TMEM266: variants seen among roughly 807,000 people sequenced by gnomAD.
The protein encoded by TMEM266 is Hv1 related protein 1.
TMEM266 carries 33 observed loss-of-function variants against 50.5 expected under a neutral mutation model. The ratio of observed to expected loss-of-function variants is 0.65; its 90% CI spans 0.50 to 0.87. The LOEUF is 0.87. Ranked by LOEUF, TMEM266 falls within the 40% of genes least tolerant of loss-of-function variation. The pLI is 0.00. For missense variants in TMEM266, 655 were observed against 695.1 expected (o/e 0.94, Z 0.65); for synonymous variants, 310 against 292.3 (o/e 1.06, Z -0.62).
Position 76,160,023 on chromosome 15 carries a change from T to C in TMEM266, c.383-72T>C. 1 of 1,442,838 alleles carries C rather than the reference T, an allele frequency of 6.9e-7. No individual in the cohort carries two copies. Among genetic ancestry groups the C allele is most frequent in the Non-Finnish European group, 9.7e-7 (1 of 1,027,764 alleles). The allele number at this position is 1,442,838 out of a possible 1,614,324, so 89.4% of individuals were successfully genotyped here. ...CCGGGGTCCCAGAGGTCTGGACGGATGCTGCGAAGCCCCCATAGCAACGCA... is the reference window on the plus strand; with the variant it reads ...CCGGGGTCCCAGAGGTCTGGACGGACGCTGCGAAGCCCCCATAGCAACGCA... On this transcript the variant is annotated intron_variant, in intron 4 of 10. Transcript: ENST00000388942. The surrounding 1 kb of genome is among the most constrained non-coding windows in gnomAD (Gnocchi z 5.7).
At chr15:76,184,765 G>C (rs1249020603) in intron 8 of TMEM266, among the ~76,000 whole-genome samples, 1 of 152,194 alleles carries the variant, frequency 6.6e-6, no homozygotes, top group Non-Finnish European at 1.5e-5. Context: ...TGCATTAAAA[G>C]CCCGGCCCCG....
intron 10 of TMEM266, among the ~76,000 whole-genome samples, chr15:76,202,622 A>AGCACCCCTG (rs2038766422): frequency 6.6e-6 from 1 of 152,176 alleles, no homozygotes; most frequent in Non-Finnish European, 1.5e-5. Flanking sequence ...GAGGTGCCAT[A>AGCACCCCTG]GCACCCCTGG....
chr15:76,201,802 A>G (rs2038753092), intron 9 of TMEM266, among the ~76,000 whole-genome samples: 1 of 152,198 alleles, frequency 6.6e-6, no homozygotes, highest in Admixed American at 6.5e-5. Flanking sequence ...ATGGGATTTC[A>G]GGGCTTCTTT....
intron 1 of TMEM266, among the ~76,000 whole-genome samples, chr15:76,104,512 G>A (rs1314681121): frequency 6.6e-6 from 1 of 152,140 alleles, no homozygotes; most frequent in Admixed American, 6.6e-5. Context: ...AGCGGATGGA[G>A]AAACGTGAGC....
intron 8 of TMEM266, among the ~76,000 whole-genome samples, chr15:76,186,373 G>A (rs1289312196): frequency 6.6e-6 from 1 of 152,208 alleles, no homozygotes; most frequent in African/African-American, 2.4e-5. Flanking sequence ...GGTCCCGCTA[G>A]CACCTCCTGA....
intron 1 of TMEM266, among the ~76,000 whole-genome samples, chr15:76,117,008 T>G (rs1290575332): frequency 2.0e-5 from 3 of 151,306 alleles, no homozygotes; most frequent in Non-Finnish European, 2.9e-5. Flanking sequence ...CCAGCGATTC[T>G]CCTGCCTCAG....
At chr15:76,081,748 C>T (rs1007103775) in intron 1 of TMEM266, among the ~76,000 whole-genome samples, 1 of 152,192 alleles carries the variant, frequency 6.6e-6, no homozygotes, top group Admixed American at 6.5e-5. Context: ...AAGCTTCCAA[C>T]ACTACCAGTT....
Position 76,168,414 on chromosome 15 carries a change from C to T in TMEM266, c.457-1402C>T, listed in dbSNP as rs2038130989. 6.6e-6 allele frequency among the ~76,000 whole-genome samples: 1 copy of T among 152,236 alleles called. No homozygotes were observed. Among genetic ancestry groups the T allele is most frequent in the Admixed American group, 6.5e-5 (1 of 15,290 alleles). ...CAGCTGTGGGTGATGATCCTCCAGGCAGCTTCGCAGAGTTCAGAAGGCTAG... is the reference window on the plus strand; with the variant it reads ...CAGCTGTGGGTGATGATCCTCCAGGTAGCTTCGCAGAGTTCAGAAGGCTAG... On this transcript the variant is annotated intron_variant, in intron 5 of 10. Transcript: ENST00000388942. The surrounding 1 kb of genome is among the most constrained non-coding windows in gnomAD (Gnocchi z 4.4).
At chr15:76,115,152 G>A (rs1486280805) in intron 1 of TMEM266, among the ~76,000 whole-genome samples, 1 of 152,088 alleles carries the variant, frequency 6.6e-6, no homozygotes, top group African/African-American at 2.4e-5. Context: ...AATAAAGCAT[G>A]CTCATAAAAA....
chr15:76,190,510 A>G (rs1020337510), intron 8 of TMEM266, among the ~76,000 whole-genome samples: 1 of 152,006 alleles, frequency 6.6e-6, no homozygotes, highest in Non-Finnish European at 1.5e-5. Context: ...GCAGAGGGAC[A>G]CAGAAGCCAC....
At chr15:76,128,358 A>G (rs1286648242) in intron 1 of TMEM266, among the ~76,000 whole-genome samples, 1 of 152,206 alleles carries the variant, frequency 6.6e-6, no homozygotes, top group Non-Finnish European at 1.5e-5. Flanking sequence ...CAAGGATATT[A>G]GCTTAGGAAG....
intron 1 of TMEM266, among the ~76,000 whole-genome samples, chr15:76,083,748 C>T (rs2036730582): frequency 1.3e-5 from 2 of 152,102 alleles, no homozygotes; most frequent in Non-Finnish European, 2.9e-5. Flanking sequence ...CTCATGGGAG[C>T]AGGGGCTGTG....
In TMEM266 at chr15:76,160,187, C is replaced by T. The variant is rs372673355; in HGVS notation, c.456+19C>T. On this transcript the variant is annotated intron_variant, in intron 5 of 10. Coordinates refer to ENST00000388942, the MANE Select transcript of TMEM266 (RefSeq NM_152335.3). This position sits in a 1 kb window ranked among gnomAD's most constrained non-coding sequence, Gnocchi z 5.7. ...CTCAGAGGTAGGTGGAGACTCTGGC[C>T]CTGTCACCTCCTCTGTTGGGTGACT... is the stretch of plus-strand genomic sequence containing the variant. 99 of 1,605,198 alleles carry T rather than the reference C, an allele frequency of 6.2e-5. No individual in the cohort carries two copies. Among genetic ancestry groups the T allele is most frequent in the Non-Finnish European group, 8.4e-5 (99 of 1,171,948 alleles).
intron 1 of TMEM266, among the ~76,000 whole-genome samples, chr15:76,115,028 T>C (rs1868905778): frequency 6.6e-6 from 1 of 152,160 alleles, no homozygotes; most frequent in Admixed American, 6.5e-5. Context: ...CCCAGCACTT[T>C]GGGAAACCAA....
At chr15:76,104,555 A>G (rs1318188318) in intron 1 of TMEM266, among the ~76,000 whole-genome samples, 1 of 152,170 alleles carries the variant, frequency 6.6e-6, no homozygotes, top group Non-Finnish European at 1.5e-5. Context: ...GCGGTGGCTC[A>G]CGCCTGTAAT....
At chr15:76,134,408 C>A in intron 2 of TMEM266, 107 bp downstream of exon 2, 2 of 1,142,648 alleles carry the variant, frequency 1.8e-6, no homozygotes, top group Non-Finnish European at 2.5e-6. Flanking sequence ...TTTCCTTTAG[C>A]AGGAGGCCAC....
At chr15:76,198,219 C>G (rs2038684714) in intron 9 of TMEM266, among the ~76,000 whole-genome samples, 1 of 152,156 alleles carries the variant, frequency 6.6e-6, no homozygotes, top group South Asian at 2.1e-4. Flanking sequence ...GGCCACACAG[C>G]ATGTGCCCTG....
intron 3 of TMEM266, among the ~76,000 whole-genome samples, chr15:76,152,929 T>C (rs1392163201): frequency 2.6e-5 from 4 of 152,128 alleles, no homozygotes; most frequent in Non-Finnish European, 5.9e-5. Flanking sequence ...GCGGCGTTCA[T>C]TTGACTTCAA....
At chr15:76,134,139 A>G in intron 1 of TMEM266, 29 bp from the exon 2 acceptor site, 1 of 1,013,488 alleles carries the variant, frequency 9.9e-7, no homozygotes, top group Admixed American at 2.1e-5. Flanking sequence ...TGGCATCTGA[A>G]GGTAATAAGT....
Sources: allele counts gnomAD v4.1 joint callset (sites outside exome capture counted in the v4.1 genomes callset), GRCh38; gene constraint gnomAD v4.1.1; non-coding constraint Gnocchi (gnomAD v3.1); transcripts MANE v1.5; gene names NCBI Gene and HGNC (gene_info 2026-07-23, HGNC 2026-07-21).